The following RYR3 variants were observed in gnomAD, a reference collection of about 807,000 sequenced individuals.
The protein encoded by RYR3 is brain ryanodine receptor-calcium release channel.
RYR3 carries 207 observed loss-of-function variants against 584.3 expected under a neutral mutation model. That is an observed-to-expected ratio of 0.35 (90% CI 0.32 to 0.40). RYR3 has a LOEUF of 0.40. Among genes scored for constraint, RYR3 ranks in the 10% least tolerant of loss-of-function variants. The pLI, the probability that RYR3 is intolerant of heterozygous loss-of-function variation, is 1.00. For synonymous variants in RYR3, 2,416 were observed against 2,248.5 expected (o/e 1.07, Z -2.11); for missense variants, 5,616 against 6,089.2 (o/e 0.92, Z 2.59).
chr15:33,837,039 C>T, intron 88 of RYR3, 52 bp downstream of exon 88: 1 of 1,379,056 alleles, frequency 7.3e-7, no homozygotes, highest in Non-Finnish European at 1.0e-6. Context: ...TTGGTCTGAG[C>T]ACTAACCTTA....
intron 1 of RYR3, among the ~76,000 whole-genome samples, chr15:33,386,755 G>A (rs1229384758): frequency 4.6e-5 from 7 of 152,116 alleles, no homozygotes; most frequent in Non-Finnish European, 4.4e-5. Flanking sequence ...CTCTCTAGAT[G>A]TGTTATAGAA....
At chr15:33,594,618 T>G (rs1030327585) in intron 16 of RYR3, among the ~76,000 whole-genome samples, 7 of 152,174 alleles carry the variant, frequency 4.6e-5, no homozygotes, top group Admixed American at 6.5e-5. Flanking sequence ...GTTCTGAAAG[T>G]TTTTTCCTTT....
At chr15:33,406,144 G>T (rs1251562502) in intron 1 of RYR3, among the ~76,000 whole-genome samples, 1 of 152,024 alleles carries the variant, frequency 6.6e-6, no homozygotes, top group Non-Finnish European at 1.5e-5. Flanking sequence ...GAGGTGGGAG[G>T]GAAGGGATAT....
intron 16 of RYR3, among the ~76,000 whole-genome samples, chr15:33,586,560 T>C (rs549514692): frequency 1.3e-5 from 2 of 152,324 alleles, no homozygotes; most frequent in South Asian, 4.1e-4. Context: ...AAAATCAGAT[T>C]TACTATGAGT....
At chr15:33,523,528 A>G (rs555905272) in intron 3 of RYR3, among the ~76,000 whole-genome samples, 1 of 152,232 alleles carries the variant, frequency 6.6e-6, no homozygotes, top group Admixed American at 6.5e-5. Flanking sequence ...AGAACCCACC[A>G]GAAGGAACCA....
At chr15:33,830,682 T>C (rs1248493496) in intron 85 of RYR3, 1 of 256,728 alleles carries the variant, frequency 3.9e-6, no homozygotes, top group African/African-American at 2.2e-5. Context: ...ATTACCATTA[T>C]CTTCACATAT....
chr15:33,613,101 C>G, intron 18 of RYR3, 82 bp from the exon 19 acceptor site: 1 of 1,032,524 alleles, frequency 9.7e-7, no homozygotes, highest in Non-Finnish European at 1.5e-6. Context: ...CTCCCCACCT[C>G]CCGCAGAGGC....
chr15:33,570,708 C>G (rs2057977748), intron 12 of RYR3, among the ~76,000 whole-genome samples: 1 of 152,100 alleles, frequency 6.6e-6, no homozygotes, highest in Non-Finnish European at 1.5e-5. Flanking sequence ...TTCCAATCTT[C>G]AAACATAAAA....
rs1356309424 is a variant in RYR3, at chr15:33,390,944, A to G, written c.51+79848A>G. On this transcript the variant is annotated intron_variant, in intron 1 of 103. Coordinates refer to ENST00000634891, the MANE Select transcript of RYR3 (RefSeq NM_001036.6). This position sits in a 1 kb window ranked among gnomAD's most constrained non-coding sequence, Gnocchi z 4.2. Reference sequence around the variant, plus strand: ...ATGGGTATAAGGAAGCCTGGCATTGATTTCTCTGCCTGTGTCTTTCCCTTA... The same window carrying G: ...ATGGGTATAAGGAAGCCTGGCATTGGTTTCTCTGCCTGTGTCTTTCCCTTA... 2.0e-5 allele frequency among the ~76,000 whole-genome samples: 3 copies of G among 152,088 alleles called. No individual in the cohort carries two copies. The highest frequency in any genetic ancestry group is 7.2e-5 in the African/African-American group (3 of 41,412).
intron 16 of RYR3, among the ~76,000 whole-genome samples, chr15:33,594,937 A>G (rs747158089): frequency 6.6e-5 from 10 of 152,348 alleles, no homozygotes; most frequent in Non-Finnish European, 1.3e-4. Flanking sequence ...CACCAATAAC[A>G]CATTTATACA....
At chr15:33,523,549 C>T (rs2054169917) in intron 3 of RYR3, among the ~76,000 whole-genome samples, 1 of 152,138 alleles carries the variant, frequency 6.6e-6, no homozygotes, top group Non-Finnish European at 1.5e-5. Context: ...GTTCCGGACA[C>T]ACTATCTGTC....
In RYR3 at chr15:33,485,413, G is replaced by GA. The variant is rs569399257; in HGVS notation, c.171+11877dup. ...CTTCAGAATGTTTAAATGCTGAGGG[G>GA]AAGATATATGTGGAAAAGAGAAGAG... On this transcript the variant is annotated intron_variant, in intron 2 of 103. Transcript: ENST00000634891. Among the ~76,000 whole-genome samples the GA allele has an allele frequency of 9.2e-5, 14 of 152,330 alleles. No homozygotes were observed. The East Asian group carries it at 2.1e-3, about 23-fold the overall frequency.
chr15:33,398,799 G>A (rs960169457), intron 1 of RYR3, among the ~76,000 whole-genome samples: 2 of 152,182 alleles, frequency 1.3e-5, no homozygotes, highest in African/African-American at 4.8e-5. Flanking sequence ...TGCGTTCCTG[G>A]CTCTGAGGAG....
intron 67 of RYR3, among the ~76,000 whole-genome samples, chr15:33,797,847 T>G (rs1278254623): frequency 6.6e-6 from 1 of 152,200 alleles, no homozygotes; most frequent in Non-Finnish European, 1.5e-5. Flanking sequence ...GAACAGCTGG[T>G]AGTTGTGATA....
intron 2 of RYR3, among the ~76,000 whole-genome samples, chr15:33,475,465 C>T (rs904610861): frequency 1.6e-4 from 24 of 152,166 alleles, no homozygotes; most frequent in African/African-American, 4.6e-4. Flanking sequence ...AGATCCCTCA[C>T]GTGCACAGCT....
At chr15:33,821,460 G>GC in intron 79 of RYR3, 63 bp from the exon 80 acceptor site, 1 of 1,600,926 alleles carries the variant, frequency 6.2e-7, no homozygotes, top group Admixed American at 1.7e-5. Context: ...CCCTGCTAAG[G>GC]CCCAGGAGGC....
chr15:33,632,310 G>A (rs553698329), intron 23 of RYR3, among the ~76,000 whole-genome samples: 215 of 152,274 alleles, frequency 1.4e-3, no homozygotes, highest in South Asian at 3.5e-3. Context: ...GTTTCACTCC[G>A]CAGTGTGCCC....
chr15:33,792,435 C>G (rs530589716), intron 67 of RYR3, among the ~76,000 whole-genome samples: 18 of 152,318 alleles, frequency 1.2e-4, no homozygotes, highest in Admixed American at 1.1e-3. Flanking sequence ...CACACTGACT[C>G]TGTGCACCTT....
At chr15:33,844,772 G>A (rs540107117) in intron 92 of RYR3, 90 bp from the exon 93 acceptor site, 5 of 1,164,250 alleles carry the variant, frequency 4.3e-6, no homozygotes, top group East Asian at 5.0e-5. Flanking sequence ...TATTTGTATA[G>A]CACATGCTAA....
Sources: allele counts gnomAD v4.1 joint callset (sites outside exome capture counted in the v4.1 genomes callset), GRCh38; gene constraint gnomAD v4.1.1; non-coding constraint Gnocchi (gnomAD v3.1); transcripts MANE v1.5; gene names NCBI Gene and HGNC (gene_info 2026-07-23, HGNC 2026-07-21).